NKAIN2: variants seen among roughly 807,000 people sequenced by gnomAD.
The protein encoded by NKAIN2 is sodium/potassium-transporting ATPase subunit beta-1-interacting protein 2.
In NKAIN2, 14 loss-of-function variants were observed where a neutral mutation model predicts 32.6. The observed-to-expected ratio is 0.43, with a 90% CI of 0.28 to 0.67. The LOEUF (loss-of-function observed/expected upper bound fraction) is 0.67, where lower values mean the gene tolerates loss of function less well. Among genes scored for constraint, NKAIN2 ranks in the 30% least tolerant of loss-of-function variants. The pLI is 0.17. For synonymous variants in NKAIN2, 80 were observed against 87.2 expected, an observed-to-expected ratio of 0.92 and a Z score of 0.46; for missense variants, 198 against 258.3, an observed-to-expected ratio of 0.77 and a Z score of 1.60.
At chr6:124,471,445 C>T (rs778523355) in intron 3 of NKAIN2, among the ~76,000 whole-genome samples, 8 of 152,070 alleles carry the variant, frequency 5.3e-5, no homozygotes, top group South Asian at 2.1e-4. Context: ...TTTTCTGATA[C>T]ATATCTCATT....
chr6:124,413,618 A>C (rs1288993638), intron 3 of NKAIN2, among the ~76,000 whole-genome samples: 1 of 152,204 alleles, frequency 6.6e-6, no homozygotes, highest in Non-Finnish European at 1.5e-5. Context: ...GATTGCACTA[A>C]AGCTATCAGT....
At chr6:124,450,343 A>G (rs561807830) in intron 3 of NKAIN2, among the ~76,000 whole-genome samples, 2 of 152,126 alleles carry the variant, frequency 1.3e-5, no homozygotes, top group Non-Finnish European at 2.9e-5. Flanking sequence ...ATATTTACAT[A>G]TGTCTTCTGT....
At position 124,220,952 on chromosome 6, in the gene NKAIN2, A is replaced by G. The variant is rs1356797937; in HGVS notation, c.55-62053A>G. Among the ~76,000 whole-genome samples, 5 of 152,306 alleles carry G rather than the reference A, an allele frequency of 3.3e-5. No homozygotes were observed. In the South Asian group the frequency reaches 6.2e-4, roughly 19 times the overall value. On this transcript the variant is annotated intron_variant, in intron 1 of 6. Coordinates refer to ENST00000368417, the MANE Select transcript of NKAIN2 (RefSeq NM_001040214.3). Reference sequence around the variant, plus strand: ...ATAAAAGAAATAATTTTAAACATTGAGAAACTAAAGCAGTTAACACAGATT... The same window carrying G: ...ATAAAAGAAATAATTTTAAACATTGGGAAACTAAAGCAGTTAACACAGATT...
chr6:123,879,246 C>T (rs1461436883), intron 1 of NKAIN2, among the ~76,000 whole-genome samples: 1 of 152,132 alleles, frequency 6.6e-6, no homozygotes, highest in Non-Finnish European at 1.5e-5. Flanking sequence ...AACCCAAATG[C>T]TTTTTGTGAA....
intron 1 of NKAIN2, among the ~76,000 whole-genome samples, chr6:124,258,377 GTTCC>G (rs1243555339): frequency 6.6e-6 from 1 of 152,096 alleles, no homozygotes; most frequent in Non-Finnish European, 1.5e-5. Flanking sequence ...TCATTAATCT[GTTCC>G]TTCATTCATT....
chr6:124,436,866 G>C (rs2114582167), intron 3 of NKAIN2, among the ~76,000 whole-genome samples: 1 of 152,246 alleles, frequency 6.6e-6, no homozygotes, highest in South Asian at 2.1e-4. Context: ...TCTTCTGCTA[G>C]TAAAAGTCTG....
chr6:124,384,325 T>TA (rs1482036308), intron 3 of NKAIN2, among the ~76,000 whole-genome samples: 1 of 152,060 alleles, frequency 6.6e-6, no homozygotes, highest in African/African-American at 2.4e-5. Context: ...TGCAGCAATC[T>TA]AAAAAAGCTG....
intron 1 of NKAIN2, among the ~76,000 whole-genome samples, chr6:124,078,333 G>A (rs1363435193): frequency 2.0e-5 from 3 of 149,976 alleles, no homozygotes; most frequent in Non-Finnish European, 4.4e-5. Context: ...AGTAGTGGAA[G>A]TTAAATCTAT....
intron 3 of NKAIN2, among the ~76,000 whole-genome samples, chr6:124,564,492 C>G (rs1025500536): frequency 2.0e-4 from 30 of 152,226 alleles, no homozygotes; most frequent in African/African-American, 2.9e-4. Context: ...CCAACCCCCC[C>G]CTCCCCCACC....
At chr6:124,347,395 G>A (rs1165570083) in intron 2 of NKAIN2, among the ~76,000 whole-genome samples, 1 of 151,980 alleles carries the variant, frequency 6.6e-6, no homozygotes, top group Admixed American at 6.6e-5. Flanking sequence ...TTGCTAGATT[G>A]GGGAAGTTCT....
intron 4 of NKAIN2, among the ~76,000 whole-genome samples, chr6:124,713,339 A>G (rs1214943056): frequency 6.6e-6 from 1 of 152,200 alleles, no homozygotes; most frequent in Non-Finnish European, 1.5e-5. Context: ...CCTTCCTAAG[A>G]AAGCCTGTAA....
At chr6:124,720,196 C>G (rs1230788115) in intron 4 of NKAIN2, among the ~76,000 whole-genome samples, 1 of 152,054 alleles carries the variant, frequency 6.6e-6, no homozygotes, top group Non-Finnish European at 1.5e-5. Context: ...AATTAAGCAA[C>G]ACAAAGACCA....
At chr6:124,716,488 A>G (rs1172152317) in intron 4 of NKAIN2, among the ~76,000 whole-genome samples, 1 of 152,198 alleles carries the variant, frequency 6.6e-6, no homozygotes, top group Non-Finnish European at 1.5e-5. Flanking sequence ...CTTGCCCCAC[A>G]TCAGCTAAAC....
chr6:124,485,285 G>C (rs1055119830), intron 3 of NKAIN2, among the ~76,000 whole-genome samples: 1 of 152,062 alleles, frequency 6.6e-6, no homozygotes, highest in Non-Finnish European at 1.5e-5. Context: ...GACCCTCTAG[G>C]TGATTCAAAC....
At position 124,028,551 on chromosome 6, in the gene NKAIN2, A is replaced by T. The variant is rs191877363; in HGVS notation, c.54+224297A>T. On this transcript the variant is annotated intron_variant, in intron 1 of 6. Coordinates refer to ENST00000368417, the MANE Select transcript of NKAIN2 (RefSeq NM_001040214.3). ...GTATAATAATAATAAAATAAATTTTAAAAAAAAGGAAATGGACTATGGGAT... is the reference window on the plus strand; with the variant it reads ...GTATAATAATAATAAAATAAATTTTTAAAAAAAGGAAATGGACTATGGGAT... Among the ~76,000 whole-genome samples the T allele has an allele frequency of 4.9e-4, 75 of 151,746 alleles. No homozygotes were observed. In the East Asian group the frequency reaches 6.4e-3, roughly 13 times the overall value.
At chr6:123,975,484 A>C (rs1405224257) in intron 1 of NKAIN2, among the ~76,000 whole-genome samples, 1 of 152,222 alleles carries the variant, frequency 6.6e-6, no homozygotes, top group Admixed American at 6.5e-5. Flanking sequence ...ACTTGTCTAT[A>C]AACTATGTAT....
intron 2 of NKAIN2, among the ~76,000 whole-genome samples, chr6:124,335,680 T>C (rs1175776419): frequency 1.3e-5 from 2 of 152,134 alleles, no homozygotes; most frequent in East Asian, 3.9e-4. Flanking sequence ...ATTATTAACT[T>C]TCTATTTTTG....
chr6:124,029,771 G>A (rs567581013), intron 1 of NKAIN2, among the ~76,000 whole-genome samples: 7 of 152,226 alleles, frequency 4.6e-5, no homozygotes, highest in South Asian at 2.1e-4. Flanking sequence ...GAGACCGAGC[G>A]AAGCTTTATC....
At chr6:124,559,110 A>G (rs34411666) in intron 3 of NKAIN2, among the ~76,000 whole-genome samples, 2,646 of 152,290 alleles carry the variant, frequency 0.017, 35 homozygotes, top group Middle Eastern at 0.034. Context: ...GTATTCTAAT[A>G]CATATTTTCT....
Sources: gnomAD v4.1 joint callset for allele counts (sites outside exome capture counted in the v4.1 genomes callset) on GRCh38, gnomAD v4.1.1 for gene constraint, MANE v1.5 for transcripts, NCBI Gene and HGNC (gene_info 2026-07-23, HGNC 2026-07-21) for gene names.